The following ROBO1 variants were observed in gnomAD, a reference collection of about 807,000 sequenced individuals.
The protein encoded by ROBO1 is roundabout guidance receptor 1, also known as roundabout homolog 1.
A neutral mutation model predicts 195.9 loss-of-function variants in ROBO1; 149 were observed. The ratio of observed to expected loss-of-function variants is 0.76; its 90% CI spans 0.67 to 0.87. The LOEUF (loss-of-function observed/expected upper bound fraction) is 0.87. Among genes scored for constraint, ROBO1 ranks in the 40% least tolerant of loss-of-function variants. The probability of loss-of-function intolerance (pLI) is 0.00; values close to 1 mark genes in which losing one functional copy is unlikely to be tolerated. For missense variants in ROBO1, 1,933 were observed against 2,068.3 expected (o/e 0.93, Z 1.27); for synonymous variants, 816 against 733.2 (o/e 1.11, Z -1.82).
chr3:79,228,165 G>A (rs2082259781), intron 2 of ROBO1, among the ~76,000 whole-genome samples: 2 of 151,490 alleles, frequency 1.3e-5, no homozygotes, highest in Admixed American at 1.3e-4. Context: ...TGTAATAAAG[G>A]ACAAAGAAGG....
intron 2 of ROBO1, among the ~76,000 whole-genome samples, chr3:79,439,548 A>G (rs1009469793): frequency 6.6e-6 from 1 of 152,080 alleles, no homozygotes; most frequent in Admixed American, 6.6e-5. Flanking sequence ...TAAAAGTAAC[A>G]TTTATTTGAT....
At chr3:78,827,273 TTCTTG>T (rs1014710316) in intron 4 of ROBO1, among the ~76,000 whole-genome samples, 3 of 152,146 alleles carry the variant, frequency 2.0e-5, no homozygotes, top group Non-Finnish European at 4.4e-5. Flanking sequence ...GGAATGGAAG[TTCTTG>T]TCTTGTTATA....
chr3:79,059,146 C>T (rs765452126), intron 3 of ROBO1, among the ~76,000 whole-genome samples: 6 of 152,000 alleles, frequency 3.9e-5, no homozygotes, highest in Admixed American at 2.0e-4. Flanking sequence ...TTCATCACCC[C>T]GTATTCCTAT....
intron 2 of ROBO1, among the ~76,000 whole-genome samples, chr3:79,380,237 T>C (rs893467224): frequency 6.6e-6 from 1 of 152,204 alleles, no homozygotes; most frequent in Non-Finnish European, 1.5e-5. Context: ...TTTCCTTCAA[T>C]TATAGGAAAG....
At chr3:78,917,246 G>A (rs1471920843) in intron 4 of ROBO1, among the ~76,000 whole-genome samples, 6 of 151,776 alleles carry the variant, frequency 4.0e-5, no homozygotes, top group Non-Finnish European at 8.8e-5. Context: ...ATAGGTGCCC[G>A]CCACCACACC....
intron 15 of ROBO1, 74 bp from the exon 16 acceptor site, chr3:78,661,335 C>A (rs553992069): frequency 2.0e-6 from 2 of 976,950 alleles, no homozygotes; most frequent in Non-Finnish European, 1.4e-6. Flanking sequence ...AAAAATTAAA[C>A]GTTATAAAAT....
At chr3:79,019,284 C>G in intron 3 of ROBO1, 5 of 985,926 alleles carry the variant, frequency 5.1e-6, no homozygotes, top group Non-Finnish European at 6.0e-6. Context: ...TGCCTGCACC[C>G]CTGGCTCGTG....
At chr3:78,644,707 C>T (rs1404379107) in intron 21 of ROBO1, among the ~76,000 whole-genome samples, 1 of 152,130 alleles carries the variant, frequency 6.6e-6, no homozygotes, top group Non-Finnish European at 1.5e-5. Context: ...CTATGCATTC[C>T]TGCCATTGTT....
chr3:78,626,595 AAAT>A (rs1704795973), intron 26 of ROBO1, among the ~76,000 whole-genome samples: 1 of 152,210 alleles, frequency 6.6e-6, no homozygotes, highest in Non-Finnish European at 1.5e-5. Context: ...AAAACAGTAT[AAAT>A]AAAATCATCA....
chr3:78,641,697 C>T (rs1458484193), intron 21 of ROBO1, among the ~76,000 whole-genome samples: 3 of 152,028 alleles, frequency 2.0e-5, no homozygotes, highest in Admixed American at 6.6e-5. Context: ...TGTTATAGGA[C>T]GTCTGAAATA....
intron 1 of ROBO1, among the ~76,000 whole-genome samples, chr3:79,742,842 C>A (rs758789701): frequency 6.6e-6 from 1 of 152,106 alleles, no homozygotes; most frequent in South Asian, 2.1e-4. Context: ...TGGTGAAATG[C>A]CTTCTGTTCT....
At chr3:78,713,268 T>G in intron 8 of ROBO1, among the ~76,000 whole-genome samples, 1 of 151,184 alleles carries the variant, frequency 6.6e-6, no homozygotes, top group East Asian at 1.9e-4. Flanking sequence ...AAATATTCTT[T>G]ACTCTTTTTT....
intron 2 of ROBO1, among the ~76,000 whole-genome samples, chr3:79,441,159 G>C (rs536730247): frequency 7.6e-4 from 115 of 152,190 alleles, no homozygotes; most frequent in Non-Finnish European, 1.0e-3. Context: ...AACACATTTA[G>C]AGTATATTAC....
chr3:78,671,565 G>T (rs1708067309), intron 10 of ROBO1, among the ~76,000 whole-genome samples: 1 of 151,070 alleles, frequency 6.6e-6, no homozygotes, highest in Non-Finnish European at 1.5e-5. Context: ...CATTTGTCAT[G>T]CAATAAATAT....
At chr3:79,175,832 T>A (rs1016641600) in intron 2 of ROBO1, among the ~76,000 whole-genome samples, 1 of 152,208 alleles carries the variant, frequency 6.6e-6, no homozygotes, top group Non-Finnish European at 1.5e-5. Flanking sequence ...CCACTCTTAT[T>A]TGCCTTTCCA....
At chr3:78,981,824 C>CACAA (rs1056799410) in intron 3 of ROBO1, among the ~76,000 whole-genome samples, 2 of 151,176 alleles carry the variant, frequency 1.3e-5, no homozygotes, top group African/African-American at 4.9e-5. Context: ...CACACACACA[C>CACAA]AAAAACACAC....
chr3:79,283,233 G>C (rs1193742669), intron 2 of ROBO1, among the ~76,000 whole-genome samples: 2 of 152,210 alleles, frequency 1.3e-5, no homozygotes, highest in Non-Finnish European at 2.9e-5. Flanking sequence ...GAGAGGGATG[G>C]AGGAGGGCAT....
chr3:79,265,516 T>C (rs1290562994), intron 2 of ROBO1, among the ~76,000 whole-genome samples: 1 of 151,634 alleles, frequency 6.6e-6, no homozygotes, highest in Admixed American at 6.6e-5. Context: ...ATTTAGTATA[T>C]AAAATTACAG....
chr3:79,011,742 T>A (rs1011953118), intron 3 of ROBO1, among the ~76,000 whole-genome samples: 3 of 151,380 alleles, frequency 2.0e-5, no homozygotes, highest in African/African-American at 7.3e-5. Context: ...ATTATGACCA[T>A]ACCTAACATG....
Sources: allele counts gnomAD v4.1 joint callset (sites outside exome capture counted in the v4.1 genomes callset), GRCh38; gene constraint gnomAD v4.1.1; transcripts MANE v1.5; gene names NCBI Gene and HGNC (gene_info 2026-07-23, HGNC 2026-07-21).